AGBL3: variants seen among roughly 807,000 people sequenced by gnomAD.
AGBL3 encodes the protein AGBL carboxypeptidase 3, also known as cytosolic carboxypeptidase 3.
In AGBL3, 68 loss-of-function variants were observed where a neutral mutation model predicts 94.5. That is an observed-to-expected ratio of 0.72 (90% CI 0.59 to 0.88). AGBL3 has a LOEUF of 0.88. AGBL3 is among the 40% of genes least tolerant of loss of function. AGBL3 has a pLI of 0.00. For missense variants in AGBL3, 934 were observed against 1,103.8 expected (o/e 0.85, Z 2.18); for synonymous variants, 354 against 370.7 (o/e 0.95, Z 0.52).
intron 5 of AGBL3, among the ~76,000 whole-genome samples, chr7:135,030,150 T>G (rs1022348942): frequency 6.9e-6 from 1 of 145,282 alleles, no homozygotes; most frequent in African/African-American, 2.6e-5. Context: ...CACAAACCTT[T>G]AATTTGTTAA....
At chr7:135,028,434 AT>A (rs1815384281) in intron 5 of AGBL3, among the ~76,000 whole-genome samples, 1 of 152,192 alleles carries the variant, frequency 6.6e-6, no homozygotes, top group African/African-American at 2.4e-5. Flanking sequence ...CCAGTAATAA[AT>A]TTCATGTTAA....
At chr7:135,092,898 C>A (rs1000718920) in intron 15 of AGBL3, 2 of 151,780 alleles carry the variant, frequency 1.3e-5, no homozygotes, top group African/African-American at 2.4e-5. Flanking sequence ...ATATAATATA[C>A]CATGTTAATA....
At chr7:135,047,799 A>T (rs1226310532) in intron 11 of AGBL3, among the ~76,000 whole-genome samples, 1 of 151,352 alleles carries the variant, frequency 6.6e-6, no homozygotes, top group East Asian at 1.9e-4. Flanking sequence ...TAGTTTGCAC[A>T]TTTTTTTTCC....
At chr7:135,050,715 T>C (rs190960387) in intron 11 of AGBL3, among the ~76,000 whole-genome samples, 1 of 152,194 alleles carries the variant, frequency 6.6e-6, no homozygotes, top group Admixed American at 6.5e-5. Flanking sequence ...TTTTATCTGA[T>C]ATAAGTATAG....
intron 2 of AGBL3, 113 bp downstream of exon 2, chr7:134,988,109 A>C: frequency 1.2e-6 from 1 of 831,276 alleles, no homozygotes; most frequent in Non-Finnish European, 1.8e-6. Context: ...TGTTTAAATT[A>C]TTGTCATTGA....
rs142608641 is a variant in AGBL3 at position 135,024,646 on chromosome 7, T to C, written c.418+7487T>C. Reference sequence around the variant, plus strand: ...TCTCCAGCAATGGTTCTTAACCAGATTGAAATGACTGAAATGAGAGACACA... The same window carrying C: ...TCTCCAGCAATGGTTCTTAACCAGACTGAAATGACTGAAATGAGAGACACA... On this transcript the variant is annotated intron_variant, in intron 5 of 16. Transcript: ENST00000436302. 5.1e-4 allele frequency among the ~76,000 whole-genome samples: 78 copies of C among 152,312 alleles called. 1 individual carries two copies. The highest frequency in any genetic ancestry group is 1.7e-3 in the African/African-American group (69 of 41,560).
intron 15 of AGBL3, among the ~76,000 whole-genome samples, chr7:135,091,021 G>A (rs186727864): frequency 1.1e-3 from 170 of 152,270 alleles, no homozygotes; most frequent in African/African-American, 4.0e-3. Context: ...GACTGTGCCT[G>A]TAAGGAATGC....
At chr7:135,040,665 A>G (rs1251323327) in intron 8 of AGBL3, among the ~76,000 whole-genome samples, 1 of 152,196 alleles carries the variant, frequency 6.6e-6, no homozygotes, top group East Asian at 1.9e-4. Context: ...TCTACAGCTA[A>G]CAACATAGTT....
Position 135,041,677 on chromosome 7 carries a change from T to G in AGBL3, c.1501-2348T>G, listed in dbSNP as rs564320895. On this transcript the variant is annotated intron_variant, in intron 8 of 16. Coordinates refer to ENST00000436302, the MANE Select transcript of AGBL3 (RefSeq NM_178563.4). ...AGAAAATACCAAAAGCATTATCCAT[T>G]GGATGGTAATGAATTGATAAATTGG... Among the ~76,000 whole-genome samples, 11 of 152,270 alleles carry G rather than the reference T, an allele frequency of 7.2e-5. No homozygotes were observed. The South Asian group carries it at 1.9e-3, about 26-fold the overall frequency.
chr7:135,042,736 C>G (rs1677778988), intron 8 of AGBL3, among the ~76,000 whole-genome samples: 1 of 151,948 alleles, frequency 6.6e-6, no homozygotes, highest in Non-Finnish European at 1.5e-5. Flanking sequence ...ATAGCAAGAC[C>G]CCATTTCTGT....
chr7:135,039,763 T>C (rs1295894851), intron 8 of AGBL3, among the ~76,000 whole-genome samples: 2 of 151,598 alleles, frequency 1.3e-5, no homozygotes, highest in Admixed American at 6.6e-5. Flanking sequence ...GGTCTTGAAT[T>C]AGTAATCTAA....
Position 135,129,204 on chromosome 7 carries a change from T to A in AGBL3, c.2343-5637T>A, listed in dbSNP as rs574244396. ...AGATGTGGTGTACTGCCCCCACGCA[T>A]GCTGCCAGCTGCCTGTGATGCAGGA... On this transcript the variant is annotated intron_variant, in intron 16 of 16. Coordinates refer to ENST00000436302, the MANE Select transcript of AGBL3 (RefSeq NM_178563.4). 35 of 1,426,504 alleles carry A rather than the reference T, an allele frequency of 2.5e-5. No homozygotes were observed. The African/African-American group carries it at 4.8e-4, about 20-fold the overall frequency. 88.4% of individuals were successfully genotyped at this position (1,426,504 alleles called of 1,614,324 possible). A position where few individuals can be genotyped will look rare whatever the true frequency, so the allele number is the denominator to read the frequency against.
At chr7:135,076,498 T>G in intron 13 of AGBL3, 30 bp downstream of exon 13, 1 of 1,448,388 alleles carries the variant, frequency 6.9e-7, no homozygotes, top group Non-Finnish European at 9.4e-7. Flanking sequence ...GTTATTAAGG[T>G]TTTTTTAAAT....
At chr7:135,028,068 C>T (rs1313349428) in intron 5 of AGBL3, among the ~76,000 whole-genome samples, 1 of 151,628 alleles carries the variant, frequency 6.6e-6, no homozygotes, top group Non-Finnish European at 1.5e-5. Flanking sequence ...ATTAGAAATA[C>T]TTTATTGCTA....
intron 16 of AGBL3, chr7:135,129,068 A>G: frequency 6.2e-7 from 1 of 1,608,488 alleles, no homozygotes. Flanking sequence ...ACTGCCCAGA[A>G]CCAAAGTGCC....
chr7:135,041,740 C>T (rs1219469706), intron 8 of AGBL3, among the ~76,000 whole-genome samples: 3 of 152,016 alleles, frequency 2.0e-5, no homozygotes, highest in Admixed American at 2.0e-4. Flanking sequence ...TCTTAAAGAT[C>T]CTGCTAAGCG....
rs375936955 is a variant in AGBL3, at chr7:135,127,425, C to T, written c.2343-7416C>T. ...AAATTAGCCGGGGTGTGGTGGCGCA[C>T]GCCTGTAGTCCCAGCTACTCGGGAG... On this transcript the variant is annotated intron_variant, in intron 16 of 16. Coordinates refer to ENST00000436302, the MANE Select transcript of AGBL3 (RefSeq NM_178563.4). Among the ~76,000 whole-genome samples the T allele has an allele frequency of 8.5e-5, 13 of 152,116 alleles. No individual in the cohort carries two copies. In the East Asian group the frequency reaches 1.2e-3, roughly 14 times the overall value.
intron 13 of AGBL3, 71 bp downstream of exon 13, chr7:135,076,539 T>G: frequency 8.6e-7 from 1 of 1,157,580 alleles, no homozygotes; most frequent in Non-Finnish European, 1.2e-6. Flanking sequence ...TTATTTTCTC[T>G]TATACTTCTT....
intron 2 of AGBL3, chr7:134,988,270 A>G (rs956067633): frequency 1.7e-5 from 5 of 295,528 alleles, no homozygotes; most frequent in African/African-American, 9.0e-5. Context: ...TGAAATTATT[A>G]GTAGGGTTTT....
Sources: gnomAD v4.1 joint callset for allele counts (sites outside exome capture counted in the v4.1 genomes callset) on GRCh38, gnomAD v4.1.1 for gene constraint, MANE v1.5 for transcripts, NCBI Gene and HGNC (gene_info 2026-07-23, HGNC 2026-07-21) for gene names.